Variants in GRIA4 observed in about 807,000 individuals in gnomAD.
The protein encoded by GRIA4 is glutamate receptor 4.
Under a neutral mutation model 104.0 loss-of-function variants are expected in GRIA4, and 34 were observed. The observed-to-expected ratio is 0.33, with a 90% CI of 0.25 to 0.44. GRIA4 has a LOEUF of 0.44. GRIA4 is among the 20% of genes least tolerant of loss of function. The pLI, the probability that GRIA4 is intolerant of heterozygous loss-of-function variation, is 1.00. For synonymous variants in GRIA4, 386 were observed against 381.9 expected, an observed-to-expected ratio of 1.01 and a Z score of -0.13; for missense variants, 750 against 1,096.5, an observed-to-expected ratio of 0.68 and a Z score of 4.46.
intron 3 of GRIA4, chr11:105,706,783 TA>T (rs1953718018): frequency 6.6e-6 from 1 of 152,290 alleles, no homozygotes; most frequent in Non-Finnish European, 1.5e-5. Flanking sequence ...GAGACAACGA[TA>T]TTGGCAACAT....
At chr11:105,880,092 G>T (rs552376312) in intron 5 of GRIA4, among the ~76,000 whole-genome samples, 1 of 152,078 alleles carries the variant, frequency 6.6e-6, no homozygotes, top group African/African-American at 2.4e-5. Flanking sequence ...TCTTACAAAT[G>T]TCTCCTTAAT....
At chr11:105,882,570 ATATT>A (rs573660945) in intron 5 of GRIA4, among the ~76,000 whole-genome samples, 4 of 152,228 alleles carry the variant, frequency 2.6e-5, no homozygotes, top group Non-Finnish European at 4.4e-5. Flanking sequence ...CCTTGAATCA[ATATT>A]TATTTAGTGT....
intron 5 of GRIA4, among the ~76,000 whole-genome samples, chr11:105,875,606 A>G (rs529481814): frequency 7.8e-4 from 119 of 152,236 alleles, no homozygotes; most frequent in Non-Finnish European, 1.4e-3. Context: ...TTATTGGTCT[A>G]TTCAAGGATT....
At chr11:105,702,214 T>C (rs1443836763) in intron 3 of GRIA4, among the ~76,000 whole-genome samples, 1 of 152,178 alleles carries the variant, frequency 6.6e-6, no homozygotes, top group African/African-American at 2.4e-5. Context: ...ATTTGTGTAT[T>C]AATATTTTTC....
chr11:105,650,758 A>C (rs1951664408), intron 3 of GRIA4, among the ~76,000 whole-genome samples: 1 of 152,180 alleles, frequency 6.6e-6, no homozygotes, highest in East Asian at 1.9e-4. Context: ...CTATTTATGC[A>C]GATGGTCCAT....
intron 3 of GRIA4, among the ~76,000 whole-genome samples, chr11:105,698,608 A>T (rs1165252207): frequency 6.6e-6 from 1 of 152,188 alleles, no homozygotes; most frequent in African/African-American, 2.4e-5. Flanking sequence ...ATTCCAGTGG[A>T]ACCAAGGAAA....
At chr11:105,910,076 A>G (rs543412172) in intron 9 of GRIA4, among the ~76,000 whole-genome samples, 1 of 152,284 alleles carries the variant, frequency 6.6e-6, no homozygotes, top group Non-Finnish European at 1.5e-5. Flanking sequence ...TTTATTGATA[A>G]AGCCACACAA....
chr11:105,814,232 T>C (rs996622887), intron 4 of GRIA4, among the ~76,000 whole-genome samples: 8 of 152,202 alleles, frequency 5.3e-5, no homozygotes, highest in Admixed American at 4.6e-4. Flanking sequence ...ATCTGATTTA[T>C]ACTTTTGAAA....
At chr11:105,670,217 C>T (rs1200290679) in intron 3 of GRIA4, among the ~76,000 whole-genome samples, 5 of 152,058 alleles carry the variant, frequency 3.3e-5, no homozygotes, top group Admixed American at 2.0e-4. Flanking sequence ...TCAAGGAGAG[C>T]ATATACAGTA....
At chr11:105,826,024 C>T (rs980627622) in intron 4 of GRIA4, among the ~76,000 whole-genome samples, 1 of 151,964 alleles carries the variant, frequency 6.6e-6, no homozygotes, top group African/African-American at 2.4e-5. Context: ...GGCTGGTGGG[C>T]CCCGTATCCA....
At chr11:105,959,478 T>C (rs1174829390) in intron 14 of GRIA4, among the ~76,000 whole-genome samples, 9 of 152,222 alleles carry the variant, frequency 5.9e-5, no homozygotes. Flanking sequence ...CTCTCTAAAC[T>C]GGTTATTCTA....
At chr11:105,750,213 A>G (rs1481326988) in intron 3 of GRIA4, among the ~76,000 whole-genome samples, 1 of 152,150 alleles carries the variant, frequency 6.6e-6, no homozygotes. Flanking sequence ...ACTGGACCAA[A>G]TAAAATACTG....
intron 6 of GRIA4, among the ~76,000 whole-genome samples, chr11:105,889,304 T>G (rs1173772024): frequency 6.6e-6 from 1 of 152,190 alleles, no homozygotes; most frequent in Non-Finnish European, 1.5e-5. Context: ...CATTTTTGTT[T>G]GCAGTAGGGA....
At chr11:105,820,012 T>C (rs1943521035) in intron 4 of GRIA4, among the ~76,000 whole-genome samples, 1 of 152,030 alleles carries the variant, frequency 6.6e-6, no homozygotes, top group Admixed American at 6.6e-5. Flanking sequence ...GAAGTTATAC[T>C]ACTCCAAGCC....
chr11:105,833,918 T>G lies in GRIA4; in HGVS notation c.488-28106T>G, dbSNP rs141590147. Among the ~76,000 whole-genome samples the G allele has an allele frequency of 1.1e-4, 16 of 152,204 alleles. No individual in the cohort carries two copies. The East Asian group carries it at 2.5e-3, about 24-fold the overall frequency. On this transcript the variant is annotated intron_variant, in intron 4 of 16. Transcript: ENST00000282499. ...AGTTTCTGGCTGAGTCTCAACTGTT[T>G]ATTTTAATGAAAGTAATGTTCACCT...
chr11:105,799,930 A>T (rs1942646178), intron 4 of GRIA4, among the ~76,000 whole-genome samples: 2 of 152,282 alleles, frequency 1.3e-5, no homozygotes, highest in East Asian at 1.9e-4. Flanking sequence ...GCTCAGAGTA[A>T]CAAAGAACTG....
At chr11:105,674,975 T>C (rs1173243399) in intron 3 of GRIA4, among the ~76,000 whole-genome samples, 1 of 151,902 alleles carries the variant, frequency 6.6e-6, no homozygotes, top group Non-Finnish European at 1.5e-5. Flanking sequence ...TATAAGTGCC[T>C]ATGTAACAAG....
intron 14 of GRIA4, among the ~76,000 whole-genome samples, chr11:105,954,447 G>A (rs900233716): frequency 6.6e-6 from 1 of 151,890 alleles, no homozygotes; most frequent in Admixed American, 6.6e-5. Context: ...TGGGTGTGTG[G>A]GGGCATAAAG....
chr11:105,937,067 C>A (rs1171218615), intron 14 of GRIA4, among the ~76,000 whole-genome samples: 1 of 152,098 alleles, frequency 6.6e-6, no homozygotes, highest in Non-Finnish European at 1.5e-5. Flanking sequence ...ATTTATACTT[C>A]TATCAGTGCC....
Sources: gnomAD v4.1 joint callset for allele counts (sites outside exome capture counted in the v4.1 genomes callset) on GRCh38, gnomAD v4.1.1 for gene constraint, MANE v1.5 for transcripts, NCBI Gene and HGNC (gene_info 2026-07-23, HGNC 2026-07-21) for gene names.